TMEM8B: variants seen among roughly 807,000 people sequenced by gnomAD.
TMEM8B encodes the protein nasopharyngeal carcinoma expressed 6.
In TMEM8B, 29 loss-of-function variants were observed where a neutral mutation model predicts 49.3. That is an observed-to-expected ratio of 0.59 (90% confidence interval 0.44 to 0.80). The LOEUF is 0.80. Among genes scored for constraint, TMEM8B ranks in the 30% least tolerant of loss-of-function variants. The probability of loss-of-function intolerance (pLI) is 0.00; values close to 1 mark genes in which losing one functional copy is unlikely to be tolerated. For missense variants in TMEM8B, 575 were observed against 658.5 expected, an observed-to-expected ratio of 0.87 and a Z score of 1.39; for synonymous variants, 264 against 272.8, an observed-to-expected ratio of 0.97 and a Z score of 0.32.
Position 35,855,131 on chromosome 9 carries a change from T to C in TMEM8B, c.*1291T>C, listed in dbSNP as rs1832470360. On this transcript the variant is annotated 3_prime_UTR_variant, in exon 13 of 13. Coordinates refer to ENST00000643932, the MANE Select transcript of TMEM8B (RefSeq NM_001042590.4). ...TTCTCTCTGCCACTTCTGGGCCATA[T>C]GTGGAGACCCGTAAAGTTGTCTAAG... 6.6e-6 allele frequency: 1 copy of C among 152,238 alleles called. No individual in the cohort carries two copies. The highest frequency in any genetic ancestry group is 2.4e-5 in the African/African-American group (1 of 41,452). 9.4% of individuals were successfully genotyped at this position (152,238 alleles called of 1,614,324 possible). A position where few individuals can be genotyped will look rare whatever the true frequency, so the allele number is the denominator to read the frequency against.
intron 1 of TMEM8B, among the ~76,000 whole-genome samples, chr9:35,831,645 A>G (rs1216129361): frequency 1.3e-5 from 2 of 152,302 alleles, no homozygotes; most frequent in East Asian, 3.9e-4. Flanking sequence ...TGGCTTCTTC[A>G]TGTGCCCATT....
chr9:35,857,583 G>A lies in TMEM8B; in HGVS notation c.*3743G>A, dbSNP rs908374448. Reference sequence around the variant, plus strand: ...AAGCAGGTGGGGGCAGATTCTGGAGGGCCTTGAGGATTCAACTGAAGAATT... The same window carrying A: ...AAGCAGGTGGGGGCAGATTCTGGAGAGCCTTGAGGATTCAACTGAAGAATT... On this transcript the variant is annotated 3_prime_UTR_variant, in exon 13 of 13. Coordinates refer to ENST00000643932, the MANE Select transcript of TMEM8B (RefSeq NM_001042590.4). 1.3e-5 allele frequency: 2 copies of A among 152,288 alleles called. No individual in the cohort carries two copies. Among genetic ancestry groups the A allele is most frequent in the Non-Finnish European group, 2.9e-5 (2 of 68,070 alleles). The allele number at this position is 152,288 out of a possible 1,614,324, so 9.4% of individuals were successfully genotyped here. A position where few individuals can be genotyped will look rare whatever the true frequency, so the allele number is the denominator to read the frequency against.
At position 35,853,909 on chromosome 9, in the gene TMEM8B, C is replaced by T. The variant is rs1832390392; in HGVS notation, c.*69C>T. ...AGAGTTCTTTCTGGGGGTGTGGAGC[C>T]CTCTTAGAAGGAGACAGGCTGTATT... On this transcript the variant is annotated 3_prime_UTR_variant, in exon 13 of 13. Coordinates refer to ENST00000643932, the MANE Select transcript of TMEM8B (RefSeq NM_001042590.4). This position sits in a 1 kb window ranked among gnomAD's most constrained non-coding sequence, Gnocchi z 4.2. The T allele has an allele frequency of 2.0e-6, 3 of 1,472,904 alleles. No individual in the cohort carries two copies. Among genetic ancestry groups the T allele is most frequent in the Non-Finnish European group, 2.7e-6 (3 of 1,117,660 alleles). 91.2% of individuals were successfully genotyped at this position (1,472,904 alleles called of 1,614,324 possible).
At position 35,852,907 on chromosome 9, in the gene TMEM8B, G is replaced by A; in HGVS notation, c.2256G>A (p.Leu752=). The change falls in exon 11 of 13, where the codon CTG becomes CTA. Residue 752 remains leucine (L), a synonymous_variant. Transcript: ENST00000643932. ...ATGTGCTGCAGTTCTGTGATTTCCT[G>A]GGCTCCTTAATGTCCGTGTGGGTCA... The part of the protein sequence containing the change: ...DYDVLQFCDF[L]GSLMSVWVTV... The A allele has an allele frequency of 6.2e-7, 1 of 1,614,166 alleles. No individual in the cohort carries two copies. Among genetic ancestry groups the A allele is most frequent in the Non-Finnish European group, 8.5e-7 (1 of 1,180,016 alleles).
In TMEM8B at chr9:35,842,931, C is replaced by T. The variant is rs778834856; in HGVS notation, c.1635+214C>T. ...GATGGGCGGGTCAACCAGGTCAACT[C>T]AGTGTCTGGGGTTTCCCAGTTTTGT... On this transcript the variant is annotated intron_variant, in intron 6 of 12. Coordinates refer to ENST00000643932, the MANE Select transcript of TMEM8B (RefSeq NM_001042590.4). This position sits in a 1 kb window ranked among gnomAD's most constrained non-coding sequence, Gnocchi z 5.6. 6.6e-6 allele frequency among the ~76,000 whole-genome samples: 1 copy of T among 152,224 alleles called. No homozygotes were observed. The highest frequency in any genetic ancestry group is 1.5e-5 in the Non-Finnish European group (1 of 68,034).
chr9:35,849,581 A>G (rs1013670352), intron 10 of TMEM8B, among the ~76,000 whole-genome samples: 2 of 152,188 alleles, frequency 1.3e-5, no homozygotes, highest in African/African-American at 2.4e-5. Context: ...GTGAGTATCT[A>G]CCTTAGAATC....
chr9:35,835,133 G>A lies in TMEM8B; in HGVS notation c.821G>A (p.Gly274Asp), dbSNP rs1830318777. 4.8e-6 allele frequency: 2 copies of A among 415,866 alleles called. No homozygotes were observed. The highest frequency in any genetic ancestry group is 7.1e-5 in the East Asian group (2 of 28,076). The allele number at this position is 415,866 out of a possible 1,614,324, so 25.8% of individuals were successfully genotyped here. A position where few individuals can be genotyped will look rare whatever the true frequency, so the allele number is the denominator to read the frequency against. The change falls in exon 3 of 13, where the codon GGC becomes GAC. Residue 274 changes from glycine to aspartate, a missense_variant. Transcript: ENST00000643932. ...TGGACACTGCCCAACCGCACCTCAG[G>A]CATCTTTAACGTCAGCAGCCCCTTA... The part of the protein sequence containing the change: ...LSWTLPNRTS[G>D]IFNVSSPLPG...
intron 10 of TMEM8B, chr9:35,847,313 AT>A (rs1206369730): frequency 1.5e-6 from 1 of 675,642 alleles, no homozygotes; most frequent in Non-Finnish European, 2.6e-6. Context: ...GGCCTAAAGT[AT>A]GGATTTGTGT....
At position 35,829,362 on chromosome 9, in the gene TMEM8B, A is replaced by C. The variant is rs1292154572; in HGVS notation, c.-86A>C. 6.1e-4 allele frequency: 208 copies of C among 341,234 alleles called. No individual in the cohort carries two copies. The highest frequency in any genetic ancestry group is 7.3e-4 in the Middle Eastern group (1 of 1,368). The allele number at this position is 341,234 out of a possible 1,614,324, so 21.1% of individuals were successfully genotyped here. A position where few individuals can be genotyped will look rare whatever the true frequency, so the allele number is the denominator to read the frequency against. On this transcript the variant is annotated 5_prime_UTR_variant, in exon 1 of 13. Transcript: ENST00000643932. ...CGGGCCCGCGAGGACACCGGAGGCCACCCCCCGGGGGTGGGGAGCGGAGCC... is the reference window on the plus strand; with the variant it reads ...CGGGCCCGCGAGGACACCGGAGGCCCCCCCCCGGGGGTGGGGAGCGGAGCC...
At position 35,853,134 on chromosome 9, in the gene TMEM8B, T is replaced by C. The variant is rs1156916039; in HGVS notation, c.2323-7T>C. 1.2e-6 allele frequency: 2 copies of C among 1,613,156 alleles called. No homozygotes were observed. Among genetic ancestry groups the C allele is most frequent in the African/African-American group, 2.7e-5 (2 of 75,014 alleles). Reference sequence around the variant, plus strand: ...CCCTAGCCCAGCCCTTGAGTCTCTTTCTCTAGGTGCTGTATTTGCTGGGAG... The same window carrying C: ...CCCTAGCCCAGCCCTTGAGTCTCTTCCTCTAGGTGCTGTATTTGCTGGGAG... On this transcript the variant is annotated splice_polypyrimidine_tract_variant and splice_region_variant and intron_variant, in intron 11 of 12. Coordinates refer to ENST00000643932, the MANE Select transcript of TMEM8B (RefSeq NM_001042590.4). This position sits in a 1 kb window ranked among gnomAD's most constrained non-coding sequence, Gnocchi z 4.2.
rs7857565 is a variant in TMEM8B, at chr9:35,835,268, C to A, written c.906+50C>A. On this transcript the variant is annotated intron_variant, in intron 3 of 12. Coordinates refer to ENST00000643932, the MANE Select transcript of TMEM8B (RefSeq NM_001042590.4). ...GGGGTCCAGAACTGCCCTTCCATCT[C>A]TGCTGAATTCCCCCCACAGGCTCTC... 4.1e-3 allele frequency: 1,702 copies of A among 413,154 alleles called. 22 individuals carry two copies. Among genetic ancestry groups the A allele is most frequent in the African/African-American group, 0.031 (1,512 of 48,816 alleles). 25.6% of individuals were successfully genotyped at this position (413,154 alleles called of 1,614,324 possible).
At position 35,846,457 on chromosome 9, in the gene TMEM8B, GT is replaced by G. The variant is rs769632982; in HGVS notation, c.1854-9del. On this transcript the variant is annotated splice_polypyrimidine_tract_variant and intron_variant, in intron 8 of 12. Transcript: ENST00000643932. ...GGCCCGGGGCCCCAGGTGACTGCGA[GT>G]TTGTGCGCAGGTTCGTGCGGTGCCG... The G allele has an allele frequency of 3.1e-6, 5 of 1,597,754 alleles. No individual in the cohort carries two copies. The highest frequency in any genetic ancestry group is 3.4e-6 in the Non-Finnish European group (4 of 1,171,538).
At position 35,854,904 on chromosome 9, in the gene TMEM8B, T is replaced by A. The variant is rs183057016; in HGVS notation, c.*1064T>A. 7.9e-5 allele frequency: 12 copies of A among 152,326 alleles called. 1 individual carries two copies. The East Asian group carries it at 2.3e-3, about 29-fold the overall frequency. 9.4% of individuals were successfully genotyped at this position (152,326 alleles called of 1,614,324 possible). A position where few individuals can be genotyped will look rare whatever the true frequency, so the allele number is the denominator to read the frequency against. On this transcript the variant is annotated 3_prime_UTR_variant, in exon 13 of 13. Transcript: ENST00000643932. ...CCATTTGGGATTCCTTCTCTTTCCA[T>A]GAGGGTCATAGCTGAGTTCTGAGGG... is the stretch of plus-strand genomic sequence containing the variant.
intron 3 of TMEM8B, among the ~76,000 whole-genome samples, chr9:35,838,130 G>A (rs1413213056): frequency 6.6e-6 from 1 of 152,154 alleles, no homozygotes; most frequent in Admixed American, 6.5e-5. Flanking sequence ...TGCTAATAGT[G>A]CAGCTGCTTT....
chr9:35,847,249 C>G lies in TMEM8B; in HGVS notation c.2175+254C>G, dbSNP rs1217824648. 1.0e-5 allele frequency: 11 copies of G among 1,097,430 alleles called. No individual in the cohort carries two copies. The African/African-American group carries it at 1.1e-4, about 11-fold the overall frequency. 68.0% of individuals were successfully genotyped at this position (1,097,430 alleles called of 1,614,324 possible). On this transcript the variant is annotated intron_variant, in intron 10 of 12. Transcript: ENST00000643932. ...TTTGGGCCTCCAGCTGTTCCACACT[C>G]TGTCCACCCTGAGGGCTGAGGGGAC...
intron 1 of TMEM8B, among the ~76,000 whole-genome samples, chr9:35,832,168 GGT>G (rs34044138): frequency 0.021 from 3,020 of 146,616 alleles, 62 homozygotes; most frequent in African/African-American, 0.059. Flanking sequence ...TAGGTGTAGG[GGT>G]GTGTGTGTGT....
At chr9:35,838,019 G>A (rs1396991535) in intron 3 of TMEM8B, among the ~76,000 whole-genome samples, 1 of 152,080 alleles carries the variant, frequency 6.6e-6, no homozygotes, top group Non-Finnish European at 1.5e-5. Context: ...AAGCAACTAC[G>A]AGGAAAGTGA....
chr9:35,842,485 C>T lies in TMEM8B; in HGVS notation c.1403C>T (p.Pro468Leu), dbSNP rs959466989. ...SLGNQPLPPEPPSLGTPAEGP... is the reference protein window; with the variant it reads ...SLGNQPLPPELPSLGTPAEGP... The stretch of plus-strand genomic sequence containing the variant: ...GGCAACCAGCCACTGCCCCCAGAAC[C>T]GCCATCCCTTGGAACCCCTGCGGAG... Residue 468 changes from proline to leucine, a missense_variant, in exon 6 of 13, where the codon CCG (proline) becomes CTG (leucine). Coordinates refer to ENST00000643932, the MANE Select transcript of TMEM8B (RefSeq NM_001042590.4). This position sits in a 1 kb window ranked among gnomAD's most constrained non-coding sequence, Gnocchi z 5.6. 1.8e-5 allele frequency: 29 copies of T among 1,602,020 alleles called. No homozygotes were observed. Among genetic ancestry groups the T allele is most frequent in the East Asian group, 1.1e-4 (5 of 44,656 alleles).
At chr9:35,838,853 T>C (rs79894578) in intron 3 of TMEM8B, among the ~76,000 whole-genome samples, 16 of 152,300 alleles carry the variant, frequency 1.1e-4, no homozygotes, top group African/African-American at 3.6e-4. Context: ...CAAGCAATCG[T>C]AAAGAAAAAG....
Sources: gnomAD v4.1 joint callset for allele counts (sites outside exome capture counted in the v4.1 genomes callset) on GRCh38, gnomAD v4.1.1 for gene constraint, Gnocchi (gnomAD v3.1) non-coding constraint, MANE v1.5 for transcripts, NCBI Gene and HGNC (gene_info 2026-07-23, HGNC 2026-07-21) for gene names.